Variants in PER3 observed in about 807,000 individuals in gnomAD.
The protein encoded by PER3 is period circadian regulator 3.
A neutral mutation model predicts 127.2 loss-of-function variants in PER3; 107 were observed. The ratio of observed to expected loss-of-function variants is 0.84; its 90% CI spans 0.72 to 0.99. PER3 has a LOEUF of 0.99. Among genes scored for constraint, PER3 ranks in the 50% least tolerant of loss-of-function variants. The pLI is 0.00. For missense variants in PER3, 1,560 were observed against 1,525.8 expected, an observed-to-expected ratio of 1.02 and a Z score of -0.37; for synonymous variants, 618 against 585.8, an observed-to-expected ratio of 1.05 and a Z score of -0.79.
Position 7,827,809 on chromosome 1 carries a change from T to A in PER3, c.2880T>A (p.Thr960=). Residue 960 remains threonine, a synonymous_variant, in exon 18 of 22, where the codon ACT becomes ACA. Transcript: ENST00000377532. The part of the protein sequence containing the change: ...DQMRRNTCPQ[T]EYQCVTGNNG... ...TGAGAAGGAACACGTGCCCACAAAC[T>A]GAGTATGTAAGTGATGCTCATTTTC... 1.2e-6 allele frequency: 2 copies of A among 1,607,748 alleles called. No homozygotes were observed. Among genetic ancestry groups the A allele is most frequent in the South Asian group, 2.2e-5 (2 of 90,746 alleles).
At chr1:7,831,867 G>A (rs970287988) in intron 19 of PER3, among the ~76,000 whole-genome samples, 2 of 152,108 alleles carry the variant, frequency 1.3e-5, no homozygotes, top group African/African-American at 2.4e-5. Context: ...GTCTTTGTCT[G>A]GTTTTGGTAT....
chr1:7,825,379 C>T (rs2097296775), intron 16 of PER3, among the ~76,000 whole-genome samples: 2 of 152,152 alleles, frequency 1.3e-5, no homozygotes, highest in South Asian at 4.1e-4. Flanking sequence ...AACCCAAAAT[C>T]CATCCACAGG....
In PER3 at chr1:7,810,252, A is replaced by T. The variant is rs2097213540; in HGVS notation, c.1372-186A>T. ...TTCTAAAAATTAGCATATTGTGAAC[A>T]GATTTATTTAGAATTTGTTGGTACC... On this transcript the variant is annotated intron_variant, in intron 12 of 21. Coordinates refer to ENST00000377532, the MANE Select transcript of PER3 (RefSeq NM_001377275.1). 9 of 617,314 alleles carry T rather than the reference A, an allele frequency of 1.5e-5. No individual in the cohort carries two copies. The East Asian group carries it at 2.6e-4, about 18-fold the overall frequency. 38.2% of individuals were successfully genotyped at this position (617,314 alleles called of 1,614,324 possible).
chr1:7,793,730 C>T (rs915265915), intron 5 of PER3, among the ~76,000 whole-genome samples: 2 of 152,168 alleles, frequency 1.3e-5, no homozygotes, highest in African/African-American at 2.4e-5. Context: ...AGCCGATTCT[C>T]ACTGTTATAC....
chr1:7,842,017 C>T (rs966740978), intron 21 of PER3, among the ~76,000 whole-genome samples: 21 of 152,138 alleles, frequency 1.4e-4, no homozygotes, highest in African/African-American at 5.1e-4. Context: ...CAAACCTGTA[C>T]AGCTGTTACT....
intron 11 of PER3, 33 bp downstream of exon 11, chr1:7,809,031 C>A: frequency 9.5e-7 from 1 of 1,051,532 alleles, no homozygotes; most frequent in Non-Finnish European, 1.5e-6. Context: ...GCAAAGTTCC[C>A]TGAATTGTGT....
At chr1:7,795,767 T>C (rs1420052284) in intron 6 of PER3, among the ~76,000 whole-genome samples, 1 of 152,246 alleles carries the variant, frequency 6.6e-6, no homozygotes, top group Non-Finnish European at 1.5e-5. Context: ...CGTTTTACTT[T>C]GGGAATTTTC....
In PER3 at chr1:7,815,411, C is replaced by T. The variant is rs78421788; in HGVS notation, c.1523-3874C>T. Among the ~76,000 whole-genome samples the T allele has an allele frequency of 4.8e-3, 727 of 152,126 alleles. 5 individuals carry two copies. The highest frequency in any genetic ancestry group is 0.015 in the African/African-American group (619 of 41,498). ...TATACCATGCTAACACAGAAGAAAG[C>T]GGGAAGCTGTATTATTACACAAAGT... On this transcript the variant is annotated intron_variant, in intron 13 of 21. Transcript: ENST00000377532.
intron 5 of PER3, among the ~76,000 whole-genome samples, chr1:7,790,575 G>A (rs1043031322): frequency 2.6e-5 from 4 of 152,104 alleles, no homozygotes; most frequent in African/African-American, 9.7e-5. Flanking sequence ...CAAATCTCAC[G>A]TCCTCACATT....
At chr1:7,803,219 T>C in intron 9 of PER3, 66 bp downstream of exon 9, 3 of 1,004,856 alleles carry the variant, frequency 3.0e-6, no homozygotes, top group Non-Finnish European at 4.8e-6. Context: ...ATTTTTCTTT[T>C]CATCTCATTA....
chr1:7,803,653 G>A, intron 9 of PER3, 39 bp from the exon 10 acceptor site: 1 of 1,307,048 alleles, frequency 7.7e-7, no homozygotes, highest in Non-Finnish European at 1.1e-6. Flanking sequence ...CAGTATCTGT[G>A]TTAAGTAAAT....
chr1:7,807,152 C>G (rs1027184271), intron 10 of PER3, among the ~76,000 whole-genome samples: 5 of 152,080 alleles, frequency 3.3e-5, no homozygotes, highest in African/African-American at 1.2e-4. Context: ...CCCCGTGGCA[C>G]TTACCTGGCA....
At chr1:7,817,327 G>T (rs1467703094) in intron 13 of PER3, among the ~76,000 whole-genome samples, 1 of 152,154 alleles carries the variant, frequency 6.6e-6, no homozygotes, top group Non-Finnish European at 1.5e-5. Context: ...TGAGATGCAG[G>T]CATTGACAAC....
At chr1:7,785,896 G>A (rs2097086838) in intron 3 of PER3, among the ~76,000 whole-genome samples, 1 of 152,180 alleles carries the variant, frequency 6.6e-6, no homozygotes, top group Non-Finnish European at 1.5e-5. Flanking sequence ...GTCTTCTATG[G>A]AAGTTATGGG....
chr1:7,834,968 A>G (rs1223369867), intron 19 of PER3, among the ~76,000 whole-genome samples: 2 of 152,182 alleles, frequency 1.3e-5, no homozygotes, highest in African/African-American at 4.8e-5. Context: ...TGGGATGAAC[A>G]GTTTCTGTGT....
At chr1:7,803,223 C>T in intron 9 of PER3, 70 bp downstream of exon 9, 1 of 944,566 alleles carries the variant, frequency 1.1e-6, no homozygotes, top group Non-Finnish European at 1.8e-6. Flanking sequence ...TTCTTTTCAT[C>T]TCATTAGAGC....
chr1:7,794,611 G>A (rs2097136784), intron 6 of PER3, among the ~76,000 whole-genome samples: 1 of 152,006 alleles, frequency 6.6e-6, no homozygotes, highest in Non-Finnish European at 1.5e-5. Context: ...CCATTGTTTT[G>A]GGCTCTTTTT....
intron 10 of PER3, chr1:7,804,063 G>A: frequency 2.5e-6 from 1 of 401,502 alleles, no homozygotes; most frequent in African/African-American, 2.0e-5. Flanking sequence ...CCATCATTAA[G>A]TAAACTCTGG....
At position 7,788,056 on chromosome 1, in the gene PER3, G is replaced by A. The variant is rs1368100539; in HGVS notation, c.402G>A (p.Val134=). Residue 134 remains valine (V), a synonymous_variant, in exon 5 of 22, where the codon GTG becomes GTA. Transcript: ENST00000377532. ...AATGTTTTTCATAGGATACCTTTGT[G>A]GCAGTATTTTCATTTCTGTCTGGAA... The part of the protein sequence containing the change: ...EHTSKNTDTF[V]AVFSFLSGRL... 6.2e-7 allele frequency: 1 copy of A among 1,608,538 alleles called. No individual in the cohort carries two copies. Among genetic ancestry groups the A allele is most frequent in the Non-Finnish European group, 8.5e-7 (1 of 1,174,964 alleles).
Sources: gnomAD v4.1 joint callset for allele counts (sites outside exome capture counted in the v4.1 genomes callset) on GRCh38, gnomAD v4.1.1 for gene constraint, MANE v1.5 for transcripts, NCBI Gene and HGNC (gene_info 2026-07-23, HGNC 2026-07-21) for gene names.